Variants in SCN8A observed in about 807,000 individuals in gnomAD.
The protein encoded by SCN8A is sodium channel protein type 8 subunit alpha.
SCN8A carries 30 observed loss-of-function variants against 184.1 expected under a neutral mutation model. That is an observed-to-expected ratio of 0.16 (90% CI 0.12 to 0.22). The LOEUF (loss-of-function observed/expected upper bound fraction) is 0.22, where lower values mean the gene tolerates loss of function less well. Among genes scored for constraint, SCN8A ranks in the 10% least tolerant of loss-of-function variants. SCN8A has a pLI of 1.00. For synonymous variants in SCN8A, 852 were observed against 907.0 expected (o/e 0.94, Z 1.09); for missense variants, 1,057 against 2,498.9 (o/e 0.42, Z 12.30).
At chr12:51,653,058 G>A (rs1163322328) in intron 1 of SCN8A, among the ~76,000 whole-genome samples, 14 of 152,140 alleles carry the variant, frequency 9.2e-5, no homozygotes, top group Admixed American at 4.6e-4. Flanking sequence ...GGTGGCTCAC[G>A]CCTGTAATCC....
intron 1 of SCN8A, among the ~76,000 whole-genome samples, chr12:51,642,122 A>G (rs966652318): frequency 6.6e-6 from 1 of 152,088 alleles, no homozygotes; most frequent in Admixed American, 6.5e-5. Flanking sequence ...TCTTTTTATC[A>G]TCGCCATCAT....
intron 1 of SCN8A, among the ~76,000 whole-genome samples, chr12:51,623,870 T>C (rs1940018636): frequency 6.6e-6 from 1 of 152,078 alleles, no homozygotes; most frequent in Admixed American, 6.5e-5. Flanking sequence ...CGGTGTTTGG[T>C]TTTTTGTCCT....
intron 11 of SCN8A, among the ~76,000 whole-genome samples, chr12:51,718,273 G>C (rs999279249): frequency 4.6e-5 from 7 of 152,102 alleles, no homozygotes; most frequent in African/African-American, 1.7e-4. Flanking sequence ...CTTGAACCCA[G>C]GAGTTCAAGA....
intron 1 of SCN8A, among the ~76,000 whole-genome samples, chr12:51,651,249 G>T (rs1220747664): frequency 6.6e-6 from 1 of 152,174 alleles, no homozygotes; most frequent in Non-Finnish European, 1.5e-5. Context: ...CCAGATTTTG[G>T]GGGGCCTGCT....
At position 51,812,298 on chromosome 12, in the gene SCN8A, GTCCCT is replaced by G. The variant is rs1214602277; in HGVS notation, c.*4870_*4874del. The G allele has an allele frequency of 4.5e-5, 7 of 156,094 alleles. No individual in the cohort carries two copies. The highest frequency in any genetic ancestry group is 1.7e-4 in the African/African-American group (7 of 41,592). 9.7% of individuals were successfully genotyped at this position (156,094 alleles called of 1,614,324 possible). ...CAGAAAAGGGACAGAACTGTGTTCT[GTCCCT>G]AGCTTGACCGCTGGCTCGCTGTGTG... On this transcript the variant is annotated 3_prime_UTR_variant, in exon 27 of 27. Coordinates refer to ENST00000627620, the MANE Select transcript of SCN8A (RefSeq NM_001330260.2).
rs115326650 is a variant in SCN8A, at chr12:51,808,066, G to A, written c.*637G>A. 127 of 165,960 alleles carry A rather than the reference G, an allele frequency of 7.7e-4. No homozygotes were observed. Among genetic ancestry groups the A allele is most frequent in the African/African-American group, 2.6e-3 (107 of 41,580 alleles). 10.3% of individuals were successfully genotyped at this position (165,960 alleles called of 1,614,324 possible). ...TCCAAACATTGTGCTCGTTCAATGCGTAGAAATGATTTGCATGATGGCATG... is the reference window on the plus strand; with the variant it reads ...TCCAAACATTGTGCTCGTTCAATGCATAGAAATGATTTGCATGATGGCATG... On this transcript the variant is annotated 3_prime_UTR_variant, in exon 27 of 27. Coordinates refer to ENST00000627620, the MANE Select transcript of SCN8A (RefSeq NM_001330260.2).
At chr12:51,746,501 G>A (rs1168838678) in intron 13 of SCN8A, among the ~76,000 whole-genome samples, 4 of 152,206 alleles carry the variant, frequency 2.6e-5, no homozygotes, top group African/African-American at 9.6e-5. Flanking sequence ...TGTACTGTGC[G>A]TTTTGATTGC....
chr12:51,739,404 C>T (rs147563132), intron 12 of SCN8A, among the ~76,000 whole-genome samples: 19 of 152,160 alleles, frequency 1.2e-4, no homozygotes, highest in African/African-American at 3.6e-4. Context: ...AAGAAAGATC[C>T]GGGGGGTCAT....
At chr12:51,724,707 AT>A (rs1217285444) in intron 12 of SCN8A, among the ~76,000 whole-genome samples, 1 of 152,236 alleles carries the variant, frequency 6.6e-6, no homozygotes, top group African/African-American at 2.4e-5. Context: ...ACCAAATTGA[AT>A]TTTGATATAC....
chr12:51,806,985 T>C lies in SCN8A; in HGVS notation c.5499T>C (p.Asp1833=), dbSNP rs1198058104. The part of the protein sequence containing the change: ...KPNTIELIAM[D]LPMVSGDRIH... ...ATACCATTGAGCTCATCGCTATGGA[T>C]CTGCCAATGGTGAGCGGGGATCGCA... Residue 1833 remains aspartate, a synonymous_variant, in exon 27 of 27, where the codon GAT becomes GAC. Transcript: ENST00000627620. This position sits in a 1 kb window ranked among gnomAD's most constrained non-coding sequence, Gnocchi z 8.7. 3.7e-6 allele frequency: 6 copies of C among 1,614,052 alleles called. No individual in the cohort carries two copies. Among genetic ancestry groups the C allele is most frequent in the Non-Finnish European group, 5.1e-6 (6 of 1,179,896 alleles).
intron 1 of SCN8A, among the ~76,000 whole-genome samples, chr12:51,637,372 T>C (rs1363785445): frequency 1.3e-5 from 2 of 152,166 alleles, no homozygotes; most frequent in East Asian, 3.8e-4. Flanking sequence ...GGAAGGCATA[T>C]CAAAAGCCAA....
At chr12:51,783,578 A>G (rs1468860874) in intron 21 of SCN8A, among the ~76,000 whole-genome samples, 1 of 152,232 alleles carries the variant, frequency 6.6e-6, no homozygotes, top group Non-Finnish European at 1.5e-5. Flanking sequence ...AGGCAAAGGA[A>G]TACTTAATGT....
chr12:51,606,622 A>G (rs990639818), intron 1 of SCN8A, among the ~76,000 whole-genome samples: 21 of 152,060 alleles, frequency 1.4e-4, no homozygotes, highest in Non-Finnish European at 2.9e-4. Flanking sequence ...AATTCCGAGA[A>G]GAGTGATGGT....
intron 11 of SCN8A, chr12:51,713,311 T>C (rs1212241696): frequency 7.2e-6 from 8 of 1,108,142 alleles, no homozygotes; most frequent in Non-Finnish European, 1.1e-5. Flanking sequence ...CCCATCAACC[T>C]TGTGTGGTCA....
intron 1 of SCN8A, among the ~76,000 whole-genome samples, chr12:51,625,092 A>T: frequency 6.6e-6 from 1 of 152,194 alleles, no homozygotes. Flanking sequence ...AGTTCTACGG[A>T]TTTTAACAAA....
At chr12:51,788,815 G>C in intron 23 of SCN8A, 67 bp downstream of exon 23, 1 of 1,380,094 alleles carries the variant, frequency 7.2e-7, no homozygotes, top group African/African-American at 1.4e-5. Flanking sequence ...ATGGTATACC[G>C]AGCCCACCAA....
chr12:51,628,758 T>C (rs947678840), intron 1 of SCN8A, among the ~76,000 whole-genome samples: 26 of 152,332 alleles, frequency 1.7e-4, no homozygotes, highest in Admixed American at 1.6e-3. Context: ...TCAAGAATTA[T>C]AGCAAGTTGG....
chr12:51,765,536 A>G (rs1942824808), intron 15 of SCN8A, 135 bp from the exon 16 acceptor site: 2 of 600,914 alleles, frequency 3.3e-6, no homozygotes, highest in Admixed American at 6.2e-5. Context: ...ACTGTTAGAC[A>G]GTCCTGGGAA....
intron 15 of SCN8A, among the ~76,000 whole-genome samples, chr12:51,764,636 AAAAT>A (rs997563267): frequency 1.9e-4 from 29 of 152,120 alleles, no homozygotes; most frequent in Admixed American, 6.5e-5. Context: ...CTCTGTCTCA[AAAAT>A]AAATAAATAA....
Sources: gnomAD v4.1 joint callset for allele counts (sites outside exome capture counted in the v4.1 genomes callset) on GRCh38, gnomAD v4.1.1 for gene constraint, Gnocchi (gnomAD v3.1) non-coding constraint, MANE v1.5 for transcripts, NCBI Gene and HGNC (gene_info 2026-07-23, HGNC 2026-07-21) for gene names.